IL26: variants seen among roughly 807,000 people sequenced by gnomAD.
IL26 encodes the protein interleukin 26.
Under a neutral mutation model 21.7 loss-of-function variants are expected in IL26, and 23 were observed. That is an observed-to-expected ratio of 1.06 (90% confidence interval 0.76 to 1.50). The LOEUF (loss-of-function observed/expected upper bound fraction) is 1.50, where lower values mean the gene tolerates loss of function less well. Among genes scored for constraint, IL26 ranks in the 40% most tolerant of loss-of-function variants. IL26 has a pLI of 0.00. For missense variants in IL26, 204 were observed against 196.0 expected (o/e 1.04, Z -0.24); for synonymous variants, 63 against 67.8 (o/e 0.93, Z 0.34).
intron 3 of IL26, among the ~76,000 whole-genome samples, chr12:68,221,050 C>A (rs1004162514): frequency 3.3e-5 from 5 of 152,180 alleles, no homozygotes; most frequent in Non-Finnish European, 7.3e-5. Context: ...CTCAAGTCTC[C>A]CCTCTCCCTG....
At chr12:68,212,430 C>T (rs11571030) in intron 3 of IL26, among the ~76,000 whole-genome samples, 2,695 of 151,976 alleles carry the variant, frequency 0.018, 71 homozygotes, top group African/African-American at 0.061. Context: ...GTGAAGAATG[C>T]TAGAAGTATC....
At chr12:68,208,990 A>G (rs546029260) in intron 3 of IL26, among the ~76,000 whole-genome samples, 2 of 152,376 alleles carry the variant, frequency 1.3e-5, no homozygotes, top group Admixed American at 6.5e-5. Flanking sequence ...TAAAAATTTG[A>G]AGCATGGCCT....
intron 3 of IL26, among the ~76,000 whole-genome samples, chr12:68,224,725 AAGGG>A (rs888619022): frequency 1.6e-4 from 20 of 126,294 alleles, no homozygotes; most frequent in Non-Finnish European, 2.7e-4. Context: ...AGAGGGAAGG[AAGGG>A]AGGGAGGGAG....
At chr12:68,224,191 A>G (rs1380847976) in intron 3 of IL26, among the ~76,000 whole-genome samples, 4 of 152,174 alleles carry the variant, frequency 2.6e-5, no homozygotes, top group Non-Finnish European at 5.9e-5. Context: ...GAGGCTGGAG[A>G]AAGCATACTT....
Position 68,201,788 on chromosome 12 carries a change from C to T in IL26, c.*57G>A. The T allele has an allele frequency of 1.7e-6, 2 of 1,171,134 alleles. No homozygotes were observed. Among genetic ancestry groups the T allele is most frequent in the Non-Finnish European group, 2.5e-6 (2 of 815,666 alleles). The allele number at this position is 1,171,134 out of a possible 1,614,324, so 72.5% of individuals were successfully genotyped here. A position where few individuals can be genotyped will look rare whatever the true frequency, so the allele number is the denominator to read the frequency against. On this transcript the variant is annotated 3_prime_UTR_variant, in exon 5 of 5. Transcript: ENST00000229134. The stretch of plus-strand genomic sequence containing the variant: ...GAAATAGACTGTTATAAACATATTT[C>T]TAGCAGTTCTTATTGTATTTCAAAA...
intron 3 of IL26, 73 bp downstream of exon 3, chr12:68,225,076 G>C: frequency 2.0e-6 from 3 of 1,472,580 alleles, no homozygotes; most frequent in Non-Finnish European, 2.7e-6. Context: ...TTTGGTGTGA[G>C]ACAGATTCTT....
chr12:68,210,062 T>C (rs1868664577), intron 3 of IL26, among the ~76,000 whole-genome samples: 1 of 152,080 alleles, frequency 6.6e-6, no homozygotes, highest in Admixed American at 6.6e-5. Flanking sequence ...TGGTTTCTAC[T>C]GTGACCACAG....
chr12:68,215,510 G>GT (rs1868850770), intron 3 of IL26, among the ~76,000 whole-genome samples: 1 of 152,186 alleles, frequency 6.6e-6, no homozygotes. Flanking sequence ...AGAAGGGATA[G>GT]TGAAGCCAGC....
At chr12:68,204,432 C>T (rs1015879677) in intron 3 of IL26, among the ~76,000 whole-genome samples, 41 of 152,224 alleles carry the variant, frequency 2.7e-4, no homozygotes, top group African/African-American at 8.2e-4. Context: ...CATGAGCCGC[C>T]GCGCCTGGCC....
chr12:68,205,033 A>G (rs1868496075), intron 3 of IL26, among the ~76,000 whole-genome samples: 3 of 152,240 alleles, frequency 2.0e-5, no homozygotes, highest in South Asian at 2.1e-4. Flanking sequence ...GACAAACTCA[A>G]CAGAAGCTGA....
intron 3 of IL26, among the ~76,000 whole-genome samples, chr12:68,221,237 T>G (rs1869036166): frequency 6.6e-6 from 1 of 152,166 alleles, no homozygotes; most frequent in African/African-American, 2.4e-5. Flanking sequence ...ATTTGGCAAT[T>G]GTTCTGGAGC....
chr12:68,223,837 A>G (rs923664421), intron 3 of IL26, among the ~76,000 whole-genome samples: 2 of 151,642 alleles, frequency 1.3e-5, no homozygotes, highest in African/African-American at 4.8e-5. Flanking sequence ...AAGTAAGGGT[A>G]TAACAAACAC....
intron 3 of IL26, among the ~76,000 whole-genome samples, chr12:68,219,916 A>T (rs370031579): frequency 6.6e-6 from 1 of 152,072 alleles, no homozygotes; most frequent in Non-Finnish European, 1.5e-5. Flanking sequence ...TTAAAAGCAT[A>T]TTAAGGAAAT....
At chr12:68,218,341 G>A in intron 3 of IL26, among the ~76,000 whole-genome samples, 1 of 152,028 alleles carries the variant, frequency 6.6e-6, no homozygotes, top group Non-Finnish European at 1.5e-5. Context: ...ATATGTTCTA[G>A]AAGTTAGAGA....
intron 3 of IL26, among the ~76,000 whole-genome samples, chr12:68,218,478 A>G (rs570418594): frequency 7.9e-5 from 12 of 152,066 alleles, no homozygotes; most frequent in African/African-American, 2.9e-4. Context: ...AGGCACTACA[A>G]AAGAAACGAT....
intron 3 of IL26, among the ~76,000 whole-genome samples, chr12:68,205,956 G>A (rs1275953878): frequency 2.6e-5 from 4 of 152,180 alleles, no homozygotes; most frequent in East Asian, 1.9e-4. Context: ...CCATCAAGTC[G>A]TCTTCTGCTA....
Position 68,222,803 on chromosome 12 carries a change from C to T in IL26, c.363+2346G>A, listed in dbSNP as rs11570990. Among the ~76,000 whole-genome samples the T allele has an allele frequency of 9.7e-3, 1,478 of 152,224 alleles. 33 individuals carry two copies. Among genetic ancestry groups the T allele is most frequent in the African/African-American group, 0.034 (1,397 of 41,534 alleles). The stretch of plus-strand genomic sequence containing the variant: ...TTTTCCCACAACAACCTCAATAGTA[C>T]GGACGGCAGGGGAAATACGGCAAGT... On this transcript the variant is annotated intron_variant, in intron 3 of 4. Coordinates refer to ENST00000229134, the MANE Select transcript of IL26 (RefSeq NM_018402.2).
chr12:68,202,028 A>G lies in IL26; in HGVS notation c.419T>C (p.Ile140Thr). Reference protein sequence around the residue: ...EMKSITRMKRIFYRIGNKGIY... With the variant: ...EMKSITRMKRTFYRIGNKGIY... ...ATTTAGAATTCTTACCCTATAAAATATTCTTTTCATCCTGGTAATGGATTT... is the reference window on the plus strand; with the variant it reads ...ATTTAGAATTCTTACCCTATAAAATGTTCTTTTCATCCTGGTAATGGATTT... Residue 140 changes from isoleucine (I) to threonine (T), a missense_variant, in exon 4 of 5, where the codon ATA (isoleucine) becomes ACA (threonine). Coordinates refer to ENST00000229134, the MANE Select transcript of IL26 (RefSeq NM_018402.2). 6.3e-7 allele frequency: 1 copy of G among 1,579,668 alleles called. No homozygotes were observed.
intron 3 of IL26, among the ~76,000 whole-genome samples, chr12:68,216,666 T>A (rs1861489): frequency 0.86 from 131,052 of 152,240 alleles, 57,014 homozygotes; most frequent in East Asian, 1. Context: ...ATGAATGGTA[T>A]TATTTTACAA....
Sources: gnomAD v4.1 joint callset for allele counts (sites outside exome capture counted in the v4.1 genomes callset) on GRCh38, gnomAD v4.1.1 for gene constraint, MANE v1.5 for transcripts, NCBI Gene and HGNC (gene_info 2026-07-23, HGNC 2026-07-21) for gene names.